The following KCNK2 variants were observed in gnomAD, a reference collection of about 807,000 sequenced individuals.
KCNK2 encodes the protein potassium channel subfamily K member 2.
In KCNK2, 21 loss-of-function variants were observed where a neutral mutation model predicts 40.5. That is an observed-to-expected ratio of 0.52 (90% CI 0.37 to 0.75). The LOEUF is 0.75. Ranked by LOEUF, KCNK2 falls within the 30% of genes least tolerant of loss-of-function variation. The pLI, the probability that KCNK2 is intolerant of heterozygous loss-of-function variation, is 0.00. For synonymous variants in KCNK2, 191 were observed against 202.2 expected (o/e 0.94, Z 0.47); for missense variants, 399 against 531.6 (o/e 0.75, Z 2.45).
intron 6 of KCNK2, among the ~76,000 whole-genome samples, chr1:215,210,026 T>TAA (rs1571735296): frequency 6.2e-5 from 3 of 48,486 alleles, no homozygotes; most frequent in East Asian, 1.0e-3. Flanking sequence ...ATAATATATA[T>TAA]TATATATAAT....
intron 1 of KCNK2, among the ~76,000 whole-genome samples, chr1:215,046,597 A>T (rs1027737448): frequency 2.0e-5 from 3 of 152,052 alleles, no homozygotes; most frequent in African/African-American, 7.2e-5. Flanking sequence ...GTTTTTTTGG[A>T]TTATCACCAT....
intron 5 of KCNK2, among the ~76,000 whole-genome samples, chr1:215,177,509 T>C (rs1490750722): frequency 6.6e-6 from 1 of 151,896 alleles, no homozygotes; most frequent in African/African-American, 2.4e-5. Context: ...AAATATTTAA[T>C]CCATCTTGAG....
At chr1:215,007,069 G>A (rs1302357732) in intron 1 of KCNK2, among the ~76,000 whole-genome samples, 57 of 128,554 alleles carry the variant, frequency 4.4e-4, no homozygotes, top group African/African-American at 1.7e-3. Context: ...ATGTGTGTGT[G>A]TGTATATATA....
intron 3 of KCNK2, among the ~76,000 whole-genome samples, chr1:215,156,061 C>CTG (rs112439818): frequency 0.58 from 86,502 of 148,580 alleles, 26,117 homozygotes; most frequent in Non-Finnish European, 0.67. Flanking sequence ...TATAGGTAGT[C>CTG]TGTGTGTGTG....
At chr1:215,158,258 C>T (rs74140938) in intron 3 of KCNK2, among the ~76,000 whole-genome samples, 14,701 of 152,178 alleles carry the variant, frequency 0.097, 2,331 homozygotes, top group African/African-American at 0.33. Context: ...GGACTTGTCT[C>T]CATTTTGTGG....
chr1:215,073,980 C>T (rs1571885129), intron 1 of KCNK2, among the ~76,000 whole-genome samples: 1 of 152,046 alleles, frequency 6.6e-6, no homozygotes, highest in Non-Finnish European at 1.5e-5. Context: ...TACTTCAAGC[C>T]AGATTTTGTT....
rs1665780138 is a variant in KCNK2, at chr1:215,212,414, G to A, written c.963+17322G>A. On this transcript the variant is annotated intron_variant, in intron 6 of 6. Transcript: ENST00000444842. ...AAAATGACAAATTTGCTGATTTGAA[G>A]GGCATGTATTTGATTTGAAAGGTGA... 3.3e-5 allele frequency among the ~76,000 whole-genome samples: 5 copies of A among 152,206 alleles called. No individual in the cohort carries two copies. In the South Asian group the frequency reaches 1.0e-3, roughly 32 times the overall value.
In KCNK2 at chr1:215,086,261, G is replaced by T. The variant is rs950210148; in HGVS notation, c.47-107G>T. On this transcript the variant is annotated intron_variant, in intron 1 of 6. Coordinates refer to ENST00000444842, the MANE Select transcript of KCNK2 (RefSeq NM_001017425.3). The stretch of plus-strand genomic sequence containing the variant: ...GTTTGGGTTCCAGAGCTTCCACTAG[G>T]AGAGCGAGCGGAATTCAATCAACCT... 4 of 879,874 alleles carry T rather than the reference G, an allele frequency of 4.5e-6. No individual in the cohort carries two copies. In the African/African-American group the frequency reaches 6.7e-5, roughly 15 times the overall value. The allele number at this position is 879,874 out of a possible 1,614,324, so 54.5% of individuals were successfully genotyped here.
At chr1:215,229,840 T>C (rs1250720998) in intron 6 of KCNK2, among the ~76,000 whole-genome samples, 1 of 151,724 alleles carries the variant, frequency 6.6e-6, no homozygotes, top group Non-Finnish European at 1.5e-5. Flanking sequence ...CGCTATAGGG[T>C]AGATTTCTAT....
intron 1 of KCNK2, among the ~76,000 whole-genome samples, chr1:215,010,099 G>A (rs1461504880): frequency 6.6e-6 from 1 of 152,124 alleles, no homozygotes; most frequent in East Asian, 1.9e-4. Context: ...GAGGCTTGGG[G>A]CATAGTTACA....
chr1:215,113,107 G>A (rs115128035), intron 2 of KCNK2, among the ~76,000 whole-genome samples: 4,599 of 152,194 alleles, frequency 0.03, 96 homozygotes, highest in South Asian at 0.058. Flanking sequence ...GGCCATATGC[G>A]ACATAAACAT....
intron 2 of KCNK2, among the ~76,000 whole-genome samples, chr1:215,104,326 T>C (rs1034962130): frequency 2.0e-5 from 3 of 152,130 alleles, no homozygotes; most frequent in Middle Eastern, 3.2e-3. Flanking sequence ...GTCCCCTTTT[T>C]ACTTTTTCTT....
intron 5 of KCNK2, 99 bp downstream of exon 5, chr1:215,172,282 T>A: frequency 9.4e-7 from 1 of 1,068,834 alleles, no homozygotes; most frequent in Non-Finnish European, 1.4e-6. Flanking sequence ...TGTATGAGTT[T>A]TCTAGGGCTG....
At chr1:215,029,561 A>C (rs1238248722) in intron 1 of KCNK2, among the ~76,000 whole-genome samples, 2 of 147,020 alleles carry the variant, frequency 1.4e-5, no homozygotes, top group East Asian at 3.9e-4. Context: ...AAATATATTA[A>C]TATATATTTA....
chr1:215,086,823 C>A, intron 2 of KCNK2, 145 bp downstream of exon 2: 1 of 675,640 alleles, frequency 1.5e-6, no homozygotes, highest in East Asian at 2.6e-5. Flanking sequence ...AGCTCTTTTC[C>A]CCAGTTTCTT....
intron 6 of KCNK2, among the ~76,000 whole-genome samples, chr1:215,204,990 G>A (rs777734500): frequency 5.9e-5 from 9 of 152,116 alleles, no homozygotes; most frequent in Non-Finnish European, 1.2e-4. Flanking sequence ...TCACATGCAT[G>A]TGTATACATG....
intron 3 of KCNK2, among the ~76,000 whole-genome samples, chr1:215,157,926 G>A (rs1046970525): frequency 6.6e-5 from 10 of 152,124 alleles, no homozygotes; most frequent in African/African-American, 1.9e-4. Flanking sequence ...GAAAGCATCA[G>A]GAAGCCTTCT....
chr1:215,037,139 G>C (rs956187258), intron 1 of KCNK2, among the ~76,000 whole-genome samples: 2 of 150,730 alleles, frequency 1.3e-5, no homozygotes, highest in Non-Finnish European at 3.0e-5. Context: ...TATTAAATGT[G>C]CTACGAGCCA....
intron 6 of KCNK2, among the ~76,000 whole-genome samples, chr1:215,212,503 T>G (rs1665784208): frequency 6.6e-6 from 1 of 152,152 alleles, no homozygotes; most frequent in Non-Finnish European, 1.5e-5. Context: ...CTGATATGTT[T>G]CTAGAGAACA....
Sources: allele counts gnomAD v4.1 joint callset (sites outside exome capture counted in the v4.1 genomes callset), GRCh38; gene constraint gnomAD v4.1.1; transcripts MANE v1.5; gene names NCBI Gene and HGNC (gene_info 2026-07-23, HGNC 2026-07-21).